Variants in HOXA3 observed in about 807,000 individuals in gnomAD.
The protein encoded by HOXA3 is homeobox protein Hox-A3.
A neutral mutation model predicts 30.3 loss-of-function variants in HOXA3; 8 were observed. The ratio of observed to expected loss-of-function variants is 0.26; its 90% CI spans 0.15 to 0.48. The LOEUF (loss-of-function observed/expected upper bound fraction) is 0.48. Ranked by LOEUF, HOXA3 falls within the 20% of genes least tolerant of loss-of-function variation. The pLI is 0.99. For missense variants in HOXA3, 653 were observed against 614.4 expected, an observed-to-expected ratio of 1.06 and a Z score of -0.66; for synonymous variants, 323 against 273.1, an observed-to-expected ratio of 1.18 and a Z score of -1.80.
At chr7:27,147,834 T>C (rs1355252612) in intron 1 of HOXA3, 1 of 1,271,456 alleles carries the variant, frequency 7.9e-7, no homozygotes. Flanking sequence ...CTGGTTTGTT[T>C]CTGGATGGCC....
chr7:27,107,801 A>G lies in HOXA3; in HGVS notation c.*114T>C. The stretch of plus-strand genomic sequence containing the variant: ...ACGGAGTGCGGGGCGGAGAAGAGAG[A>G]AAAGGAAGGAAGGAAAGGGCAGGAA... On this transcript the variant is annotated 3_prime_UTR_variant, in exon 6 of 6. Coordinates refer to ENST00000612286, the MANE Select transcript of HOXA3 (RefSeq NM_153631.3). 1.4e-6 allele frequency: 1 copy of G among 734,162 alleles called. No homozygotes were observed. The highest frequency in any genetic ancestry group is 2.1e-6 in the Non-Finnish European group (1 of 473,142). The allele number at this position is 734,162 out of a possible 1,614,324, so 45.5% of individuals were successfully genotyped here.
At position 27,108,216 on chromosome 7, in the gene HOXA3, G is replaced by A. The variant is rs1217825036; in HGVS notation, c.1031C>T (p.Pro344Leu). 5.2e-6 allele frequency: 8 copies of A among 1,529,102 alleles called. No individual in the cohort carries two copies. The highest frequency in any genetic ancestry group is 2.8e-5 in the African/African-American group (2 of 72,152). The allele number at this position is 1,529,102 out of a possible 1,614,324, so 94.7% of individuals were successfully genotyped here. A position where few individuals can be genotyped will look rare whatever the true frequency, so the allele number is the denominator to read the frequency against. Residue 344 changes from proline to leucine, a missense_variant, in exon 6 of 6, where the codon CCG (proline) becomes CTG (leucine). Coordinates refer to ENST00000612286, the MANE Select transcript of HOXA3 (RefSeq NM_153631.3). The surrounding 1 kb of genome is among the most constrained non-coding windows in gnomAD (Gnocchi z 5.0). The stretch of plus-strand genomic sequence containing the variant: ...GTTGCCCTGCAGGCCATGAGCGTGC[G>A]GGTCATAGTCGGGGGTGCCCCCTGC... Reference protein sequence around the residue: ...AGAGGTPDYDPHAHGLQGNGS... With the variant: ...AGAGGTPDYDLHAHGLQGNGS...
intron 1 of HOXA3, chr7:27,143,217 C>A: frequency 6.2e-7 from 1 of 1,610,256 alleles, no homozygotes; most frequent in Non-Finnish European, 8.5e-7. Flanking sequence ...CTGCCGGCGT[C>A]GGCCGAGGCG....
At position 27,108,427 on chromosome 7, in the gene HOXA3, C is replaced by A. The variant is rs1323878374; in HGVS notation, c.820G>T (p.Gly274Cys). The A allele has an allele frequency of 5.0e-6, 8 of 1,613,242 alleles. No homozygotes were observed. Among genetic ancestry groups the A allele is most frequent in the African/African-American group, 1.3e-5 (1 of 74,846 alleles). The change falls in exon 6 of 6, where the codon GGT becomes TGT. Residue 274 changes from glycine (G) to cysteine (C), a missense_variant. This residue lies in a region of HOXA3 where 330 missense variants were observed against 274.4 expected (regional missense o/e 1.20). Transcript: ENST00000612286. This position sits in a 1 kb window ranked among gnomAD's most constrained non-coding sequence, Gnocchi z 5.0. ...PSRSPVPPGA[G>C]GYLNSMHSLV... The stretch of plus-strand genomic sequence containing the variant: ...GAATGCATAGAGTTCAGATAGCCAC[C>A]GGCTCCGGGGGGCACGGGGCTGCGA...
Position 27,130,852 on chromosome 7 carries a change from C to T in HOXA3, c.-389-3782G>A. 4.9e-6 allele frequency: 5 copies of T among 1,024,930 alleles called. No homozygotes were observed. The South Asian group carries it at 5.5e-5, about 11-fold the overall frequency. The allele number at this position is 1,024,930 out of a possible 1,614,324, so 63.5% of individuals were successfully genotyped here. On this transcript the variant is annotated intron_variant, in intron 2 of 5. Transcript: ENST00000612286. ...CCCCTTTCCTCTGCGCCCTTCCCCTCCCCCCGCTGTCAAGTGCCCACTCCT... is the reference window on the plus strand; with the variant it reads ...CCCCTTTCCTCTGCGCCCTTCCCCTTCCCCCGCTGTCAAGTGCCCACTCCT...
intron 4 of HOXA3, among the ~76,000 whole-genome samples, chr7:27,117,557 G>T (rs535286137): frequency 1.3e-5 from 2 of 152,278 alleles, no homozygotes; most frequent in African/African-American, 4.8e-5. Flanking sequence ...CTTGGGTCCG[G>T]CTTGTGGGGA....
At chr7:27,145,821 A>G in intron 1 of HOXA3, 1 of 1,614,236 alleles carries the variant, frequency 6.2e-7, no homozygotes, top group Middle Eastern at 1.7e-4. Context: ...GCGCCGTGTC[A>G]GGTAGCGGTT....
At chr7:27,125,384 G>T (rs1477029635) in intron 3 of HOXA3, among the ~76,000 whole-genome samples, 1 of 152,190 alleles carries the variant, frequency 6.6e-6, no homozygotes, top group Non-Finnish European at 1.5e-5. Flanking sequence ...GAGAAAGTAG[G>T]GCTGGCTTGA....
intron 1 of HOXA3, 41 bp downstream of exon 1, chr7:27,152,247 C>T: frequency 8.0e-7 from 1 of 1,242,240 alleles, no homozygotes; most frequent in South Asian, 1.3e-5. Context: ...CCGGCTGTCG[C>T]CTCACCACCT....
In HOXA3 at chr7:27,108,442, C is replaced by A. The variant is rs201998676; in HGVS notation, c.805G>T (p.Val269Leu). 6.2e-7 allele frequency: 1 copy of A among 1,613,880 alleles called. No individual in the cohort carries two copies. Among genetic ancestry groups the A allele is most frequent in the South Asian group, 1.1e-5 (1 of 91,080 alleles). ...AGATAGCCACCGGCTCCGGGGGGCA[C>A]GGGGCTGCGACTTGGAGACTGGCCC... is the stretch of plus-strand genomic sequence containing the variant. ...SGGQSPSRSPVPPGAGGYLNS... is the reference protein window; with the variant it reads ...SGGQSPSRSPLPPGAGGYLNS... Residue 269 changes from valine to leucine, a missense_variant, in exon 6 of 6, where the codon GTG becomes TTG. Coordinates refer to ENST00000612286, the MANE Select transcript of HOXA3 (RefSeq NM_153631.3). The surrounding 1 kb of genome is among the most constrained non-coding windows in gnomAD (Gnocchi z 5.0).
intron 2 of HOXA3, chr7:27,130,622 C>T (rs746129531): frequency 1.3e-6 from 2 of 1,562,712 alleles, no homozygotes; most frequent in Non-Finnish European, 8.7e-7. Context: ...CCGGGGCCCC[C>T]GCCCGGGCCG....
chr7:27,146,483 A>T (rs1782773240), intron 1 of HOXA3, among the ~76,000 whole-genome samples: 1 of 152,196 alleles, frequency 6.6e-6, no homozygotes, highest in African/African-American at 2.4e-5. Flanking sequence ...GATAAAGTGG[A>T]TGTTAATGGA....
chr7:27,115,615 C>G (rs1468667489), intron 4 of HOXA3: 6 of 152,246 alleles, frequency 3.9e-5, no homozygotes, highest in African/African-American at 1.4e-4. Flanking sequence ...CCAAGGGGAC[C>G]GAGGGCTCCC....
At chr7:27,136,359 A>G (rs1021085053) in intron 2 of HOXA3, among the ~76,000 whole-genome samples, 1 of 152,222 alleles carries the variant, frequency 6.6e-6, no homozygotes, top group African/African-American at 2.4e-5. Context: ...TAGGAACTAG[A>G]TTAACTTGAA....
chr7:27,110,203 G>T lies in HOXA3; in HGVS notation c.438C>A (p.Leu146=). 1 of 1,614,130 alleles carries T rather than the reference G, an allele frequency of 6.2e-7. No homozygotes were observed. Among genetic ancestry groups the T allele is most frequent in the Non-Finnish European group, 8.5e-7 (1 of 1,180,020 alleles). ...TPANAAKSPL[L]NSPTVAKQIF... is the part of the protein sequence containing the mutation. ...TTTGTTTGGCCACTGTGGGTGAGTT[G>T]AGCAGGGGGCTCTTGGCCGCGTTGG... The change falls in exon 5 of 6, where the codon CTC becomes CTA. Residue 146 remains leucine (L), a synonymous_variant. Transcript: ENST00000612286.
intron 1 of HOXA3, chr7:27,145,824 TAGCGGTTGA>T (rs1235616677): frequency 6.2e-7 from 1 of 1,614,118 alleles, no homozygotes; most frequent in Non-Finnish European, 8.5e-7. Context: ...CCGTGTCAGG[TAGCGGTTGA>T]AGTGGAACTC....
chr7:27,116,867 G>A (rs1218655926), intron 4 of HOXA3, among the ~76,000 whole-genome samples: 1 of 152,208 alleles, frequency 6.6e-6, no homozygotes, highest in Non-Finnish European at 1.5e-5. Flanking sequence ...TTACTGCCGA[G>A]GCCGGCACTG....
In HOXA3 at chr7:27,130,407, G is replaced by A. The variant is rs1320578244; in HGVS notation, c.-389-3337C>T. The stretch of plus-strand genomic sequence containing the variant: ...GCTCGGGCTGGGGCGGCCGCCCGGG[G>A]CTGGCGCCGCCGCGGTAGCCATAGG... On this transcript the variant is annotated intron_variant, in intron 2 of 5. Coordinates refer to ENST00000612286, the MANE Select transcript of HOXA3 (RefSeq NM_153631.3). 2.4e-5 allele frequency: 28 copies of A among 1,168,450 alleles called. No individual in the cohort carries two copies. The South Asian group carries it at 9.6e-4, about 40-fold the overall frequency. 72.4% of individuals were successfully genotyped at this position (1,168,450 alleles called of 1,614,324 possible).
chr7:27,144,873 T>G (rs1030409235), intron 1 of HOXA3, among the ~76,000 whole-genome samples: 3 of 152,318 alleles, frequency 2.0e-5, no homozygotes, highest in Middle Eastern at 3.4e-3. Context: ...GCGGCTCCCA[T>G]GGCCCTGGGC....
Sources: gnomAD v4.1 joint callset for allele counts (sites outside exome capture counted in the v4.1 genomes callset) on GRCh38, gnomAD v4.1.1 for gene constraint, gnomAD v4.1.1 regional missense constraint, Gnocchi (gnomAD v3.1) non-coding constraint, MANE v1.5 for transcripts, NCBI Gene and HGNC (gene_info 2026-07-23, HGNC 2026-07-21) for gene names.